PARD3: variants seen among roughly 807,000 people sequenced by gnomAD.
PARD3 encodes the protein par-3 family cell polarity regulator.
PARD3 carries 75 observed loss-of-function variants against 155.4 expected under a neutral mutation model. The ratio of observed to expected loss-of-function variants is 0.48; its 90% CI spans 0.40 to 0.58. The LOEUF (loss-of-function observed/expected upper bound fraction) is 0.58. Ranked by LOEUF, PARD3 falls within the 20% of genes least tolerant of loss-of-function variation. The pLI is 0.00. For missense variants in PARD3, 1,642 were observed against 1,721.7 expected, an observed-to-expected ratio of 0.95 and a Z score of 0.82; for synonymous variants, 576 against 610.5, an observed-to-expected ratio of 0.94 and a Z score of 0.83.
intron 5 of PARD3, among the ~76,000 whole-genome samples, chr10:34,405,616 G>A (rs905183248): frequency 6.6e-6 from 1 of 152,134 alleles, no homozygotes; most frequent in African/African-American, 2.4e-5. Context: ...CAGAGAGAAA[G>A]TAGATGTAAA....
At chr10:34,354,456 T>C (rs1023173303) in intron 14 of PARD3, among the ~76,000 whole-genome samples, 2 of 151,578 alleles carry the variant, frequency 1.3e-5, no homozygotes, top group Non-Finnish European at 2.9e-5. Context: ...CTGGGTTGGA[T>C]ACCAGCAAAG....
intron 3 of PARD3, among the ~76,000 whole-genome samples, chr10:34,489,636 T>C (rs543742083): frequency 6.6e-5 from 10 of 152,348 alleles, no homozygotes; most frequent in South Asian, 6.2e-4. Context: ...CTGTTTATAT[T>C]ACCTTCAAAG....
chr10:34,281,774 C>T (rs16935275), intron 21 of PARD3, among the ~76,000 whole-genome samples: 14,564 of 151,906 alleles, frequency 0.096, 735 homozygotes, highest in Non-Finnish European at 0.1. Context: ...CAGATGTACA[C>T]AGGCAAAAAA....
chr10:34,406,394 C>T (rs1844477815), intron 5 of PARD3, among the ~76,000 whole-genome samples: 1 of 152,092 alleles, frequency 6.6e-6, no homozygotes, highest in Admixed American at 6.6e-5. Flanking sequence ...TCAGTCAGAA[C>T]CCAAGGGAAG....
At chr10:34,622,808 G>A (rs1331972835) in intron 2 of PARD3, among the ~76,000 whole-genome samples, 2 of 149,964 alleles carry the variant, frequency 1.3e-5, no homozygotes, top group Non-Finnish European at 3.0e-5. Flanking sequence ...TACATTGCCT[G>A]AGTTGGTTTT....
At chr10:34,254,191 C>T (rs1430151140) in intron 22 of PARD3, among the ~76,000 whole-genome samples, 1 of 152,094 alleles carries the variant, frequency 6.6e-6, no homozygotes, top group East Asian at 1.9e-4. Context: ...ACCAGCCTGG[C>T]CAACATGGCG....
intron 20 of PARD3, among the ~76,000 whole-genome samples, chr10:34,310,651 C>G (rs994677429): frequency 1.3e-5 from 2 of 152,176 alleles, no homozygotes; most frequent in African/African-American, 4.8e-5. Flanking sequence ...TTTAAAACTG[C>G]TAACCAGGAA....
chr10:34,271,670 T>C (rs1379407110), intron 21 of PARD3, among the ~76,000 whole-genome samples: 4 of 152,132 alleles, frequency 2.6e-5, no homozygotes, highest in Admixed American at 1.3e-4. Context: ...TAATTCCACA[T>C]AGTGTTGGAA....
chr10:34,298,978 A>G (rs1317517123), intron 20 of PARD3, among the ~76,000 whole-genome samples: 1 of 152,228 alleles, frequency 6.6e-6, no homozygotes, highest in Non-Finnish European at 1.5e-5. Context: ...CATGGAGATA[A>G]GCAAGCAAGG....
intron 5 of PARD3, among the ~76,000 whole-genome samples, chr10:34,440,871 A>G (rs1368605349): frequency 1.3e-5 from 2 of 152,026 alleles, no homozygotes; most frequent in Non-Finnish European, 2.9e-5. Context: ...TCTCATGAAG[A>G]TACTTAGCAT....
chr10:34,762,469 C>CTTTT (rs72049773), intron 1 of PARD3, among the ~76,000 whole-genome samples: 1,750 of 98,600 alleles, frequency 0.018, 76 homozygotes, highest in African/African-American at 0.06. Context: ...CCATGCCTGA[C>CTTTT]TTTTTTTTTT....
intron 1 of PARD3, among the ~76,000 whole-genome samples, chr10:34,776,592 G>C (rs1839556980): frequency 6.6e-6 from 1 of 151,194 alleles, no homozygotes; most frequent in African/African-American, 2.4e-5. Context: ...GGACAGCAAG[G>C]TTTTAAGCTA....
chr10:34,268,907 C>T (rs1266714919), intron 22 of PARD3, among the ~76,000 whole-genome samples: 2 of 151,832 alleles, frequency 1.3e-5, no homozygotes, highest in South Asian at 2.1e-4. Context: ...TGCACATGTA[C>T]CCTAGAACTT....
At chr10:34,578,925 G>A (rs1185254591) in intron 2 of PARD3, among the ~76,000 whole-genome samples, 3 of 152,200 alleles carry the variant, frequency 2.0e-5, no homozygotes, top group Non-Finnish European at 4.4e-5. Context: ...GGAAGATGGA[G>A]GGGAGCTAGA....
chr10:34,501,973 G>A (rs2080744616), intron 3 of PARD3, among the ~76,000 whole-genome samples: 1 of 152,124 alleles, frequency 6.6e-6, no homozygotes, highest in South Asian at 2.1e-4. Context: ...TTATTAAAAT[G>A]ACCCAATAGA....
intron 3 of PARD3, among the ~76,000 whole-genome samples, chr10:34,507,538 A>AT (rs948021175): frequency 4.1e-5 from 6 of 146,378 alleles, no homozygotes; most frequent in African/African-American, 1.6e-4. Flanking sequence ...ATTCAGATCA[A>AT]TTAAAAAAAC....
intron 2 of PARD3, among the ~76,000 whole-genome samples, chr10:34,621,697 A>C (rs2091688407): frequency 6.6e-6 from 1 of 152,248 alleles, no homozygotes; most frequent in African/African-American, 2.4e-5. Flanking sequence ...AGGAGCATGG[A>C]TATTGTTATT....
intron 1 of PARD3, among the ~76,000 whole-genome samples, chr10:34,745,917 G>A (rs1041678426): frequency 4.6e-5 from 7 of 152,014 alleles, no homozygotes; most frequent in East Asian, 1.9e-4. Context: ...TGGCTAACAC[G>A]GTGAAACCCC....
chr10:34,185,220 T>C (rs1353233291), intron 22 of PARD3, among the ~76,000 whole-genome samples: 2 of 152,218 alleles, frequency 1.3e-5, no homozygotes, highest in East Asian at 3.8e-4. Context: ...ATCTCTGTTA[T>C]TTGCACTTCA....
Sources: gnomAD v4.1 joint callset for allele counts (sites outside exome capture counted in the v4.1 genomes callset) on GRCh38, gnomAD v4.1.1 for gene constraint, MANE v1.5 for transcripts, NCBI Gene and HGNC (gene_info 2026-07-23, HGNC 2026-07-21) for gene names.